Variants in MTHFD2L observed in about 807,000 individuals in gnomAD.
MTHFD2L encodes the protein methylenetetrahydrofolate dehydrogenase (NADP+ dependent) 2 like.
In MTHFD2L, 29 loss-of-function variants were observed where a neutral mutation model predicts 34.9. The ratio of observed to expected loss-of-function variants is 0.83; its 90% CI spans 0.62 to 1.13. The LOEUF is 1.13. MTHFD2L is among the 50% of genes most tolerant of loss of function. The pLI, the probability that MTHFD2L is intolerant of heterozygous loss-of-function variation, is 0.00. For missense variants in MTHFD2L, 481 were observed against 446.5 expected, an observed-to-expected ratio of 1.08 and a Z score of -0.70; for synonymous variants, 167 against 155.7, an observed-to-expected ratio of 1.07 and a Z score of -0.54.
chr4:74,282,245 C>A (rs1272468916), intron 7 of MTHFD2L, among the ~76,000 whole-genome samples: 1 of 152,050 alleles, frequency 6.6e-6, no homozygotes, highest in East Asian at 1.9e-4. Context: ...TACCTGCATT[C>A]AGATTTTCAG....
chr4:74,185,360 ATATCT>A (rs1731006849), intron 3 of MTHFD2L, among the ~76,000 whole-genome samples: 1 of 152,000 alleles, frequency 6.6e-6, no homozygotes, highest in Non-Finnish European at 1.5e-5. Context: ...CACTAAACAC[ATATCT>A]TAGAAAAGAA....
chr4:74,186,438 G>GAAAAA lies in MTHFD2L; in HGVS notation c.451+11052_451+11056dup, dbSNP rs59325238. On this transcript the variant is annotated intron_variant, in intron 3 of 7. Transcript: ENST00000325278. ...CCATGGAAAATTCAAGGGAATCCAT[G>GAAAAA]AAAAAAAAAAAAAAAAAAAAACAGC... Among the ~76,000 whole-genome samples the GAAAAA allele has an allele frequency of 7.6e-3, 666 of 87,884 alleles. 2 individuals are homozygous for GAAAAA. Among genetic ancestry groups the GAAAAA allele is most frequent in the African/African-American group, 0.011 (243 of 22,726 alleles). The allele number at this position is 87,884 out of a possible 152,430, so 57.7% of individuals were successfully genotyped here. A position where few individuals can be genotyped will look rare whatever the true frequency, so the allele number is the denominator to read the frequency against.
intron 7 of MTHFD2L, among the ~76,000 whole-genome samples, chr4:74,285,674 T>G (rs1235977993): frequency 1.3e-5 from 2 of 152,116 alleles, no homozygotes; most frequent in African/African-American, 4.8e-5. Context: ...TGACAAAAAA[T>G]TTTTAAAGGT....
intron 1 of MTHFD2L, among the ~76,000 whole-genome samples, chr4:74,167,062 A>C (rs1560435132): frequency 6.6e-6 from 1 of 152,188 alleles, no homozygotes; most frequent in Non-Finnish European, 1.5e-5. Flanking sequence ...CCTAGGCTTC[A>C]GGTCTGTATT....
At chr4:74,217,775 CT>C (rs1181337573) in intron 5 of MTHFD2L, among the ~76,000 whole-genome samples, 1 of 149,944 alleles carries the variant, frequency 6.7e-6, no homozygotes, top group Non-Finnish European at 1.5e-5. Flanking sequence ...TAGACTTTAG[CT>C]CTTATCATGA....
upstream of MTHFD2L, chr4:74,157,997 C>A (rs1724481192): frequency 1.5e-6 from 2 of 1,296,512 alleles, no homozygotes; most frequent in Non-Finnish European, 2.1e-6. Context: ...CTTTACCCCA[C>A]TCTGCGTGTC....
chr4:74,251,284 A>T (rs535159032), intron 6 of MTHFD2L, among the ~76,000 whole-genome samples: 16 of 152,352 alleles, frequency 1.1e-4, no homozygotes, highest in African/African-American at 3.8e-4. Flanking sequence ...CAATGGATAA[A>T]CCAAGTCTCT....
intron 7 of MTHFD2L, among the ~76,000 whole-genome samples, chr4:74,299,894 A>C (rs546879323): frequency 6.6e-6 from 1 of 152,154 alleles, no homozygotes; most frequent in South Asian, 2.1e-4. Flanking sequence ...TGGGGCTTTC[A>C]ATTCAACACT....
At chr4:74,227,366 T>C (rs999543509) in intron 6 of MTHFD2L, among the ~76,000 whole-genome samples, 6 of 152,174 alleles carry the variant, frequency 3.9e-5, no homozygotes, top group Non-Finnish European at 8.8e-5. Context: ...ACAGCTTTTG[T>C]TTTTATCTTA....
At chr4:74,116,772 T>A (rs1217757637) in intron 2 of MTHFD2L, among the ~76,000 whole-genome samples, 1 of 152,222 alleles carries the variant, frequency 6.6e-6, no homozygotes, top group Non-Finnish European at 1.5e-5. Context: ...CCTACATGAT[T>A]TTATGAAAAG....
upstream of MTHFD2L, chr4:74,156,702 T>A (rs1037004361): frequency 5.3e-5 from 8 of 152,360 alleles, no homozygotes; most frequent in African/African-American, 1.9e-4. Context: ...TTGCCACACA[T>A]CCTTGCCAGC....
chr4:74,162,058 T>TC (rs1725574785), intron 1 of MTHFD2L: 1 of 152,156 alleles, frequency 6.6e-6, no homozygotes, highest in Non-Finnish European at 1.5e-5. Flanking sequence ...GTAGAAAACT[T>TC]TATGGTCAGA....
At chr4:74,270,642 T>A (rs908589795) in intron 6 of MTHFD2L, among the ~76,000 whole-genome samples, 5 of 152,242 alleles carry the variant, frequency 3.3e-5, no homozygotes, top group African/African-American at 4.8e-5. Context: ...CATCTGCATG[T>A]GTCTTTATAG....
chr4:74,226,836 G>A (rs2110126828), intron 6 of MTHFD2L, among the ~76,000 whole-genome samples: 2 of 152,288 alleles, frequency 1.3e-5, no homozygotes, highest in Middle Eastern at 6.8e-3. Flanking sequence ...TTACATCTTA[G>A]TGGGAGAGAG....
intron 3 of MTHFD2L, among the ~76,000 whole-genome samples, chr4:74,198,701 A>G (rs1160970003): frequency 6.6e-6 from 1 of 152,154 alleles, no homozygotes; most frequent in Non-Finnish European, 1.5e-5. Flanking sequence ...TCCAAGCTAT[A>G]GAGAAAATAG....
At chr4:74,173,007 A>C (rs1728326788) in intron 1 of MTHFD2L, among the ~76,000 whole-genome samples, 2 of 152,140 alleles carry the variant, frequency 1.3e-5, no homozygotes, top group South Asian at 4.1e-4. Flanking sequence ...ACAAAGAATT[A>C]AGGTTTATAA....
intron 7 of MTHFD2L, among the ~76,000 whole-genome samples, chr4:74,293,100 G>T (rs1362851283): frequency 1.3e-5 from 2 of 151,894 alleles, no homozygotes. Flanking sequence ...GAACGTCCAG[G>T]TTTGTTACAT....
intron 3 of MTHFD2L, among the ~76,000 whole-genome samples, chr4:74,176,847 C>T (rs971868588): frequency 1.3e-5 from 2 of 151,872 alleles, no homozygotes; most frequent in Non-Finnish European, 2.9e-5. Context: ...GATTAACAAT[C>T]GTGATGTGCA....
intron 5 of MTHFD2L, among the ~76,000 whole-genome samples, chr4:74,205,691 G>A (rs1308237082): frequency 6.6e-6 from 1 of 152,112 alleles, no homozygotes; most frequent in Admixed American, 6.6e-5. Context: ...AAGGAAGCAA[G>A]GAAGGAGTTA....
Sources: gnomAD v4.1 joint callset for allele counts (sites outside exome capture counted in the v4.1 genomes callset) on GRCh38, gnomAD v4.1.1 for gene constraint, MANE v1.5 for transcripts, NCBI Gene and HGNC (gene_info 2026-07-23, HGNC 2026-07-21) for gene names.